Variants in PLPP3 observed in about 807,000 individuals in gnomAD.
PLPP3 encodes PAP2 beta.
A neutral mutation model predicts 29.6 loss-of-function variants in PLPP3; 6 were observed. The ratio of observed to expected loss-of-function variants is 0.20; its 90% confidence interval spans 0.11 to 0.40. The LOEUF is 0.40. Ranked by LOEUF, PLPP3 falls within the 10% of genes least tolerant of loss-of-function variation. PLPP3 has a pLI of 1.00. For synonymous variants in PLPP3, 152 were observed against 159.7 expected, an observed-to-expected ratio of 0.95 and a Z score of 0.36; for missense variants, 308 against 407.7, an observed-to-expected ratio of 0.76 and a Z score of 2.11.
intron 4 of PLPP3, among the ~76,000 whole-genome samples, chr1:56,517,160 G>C (rs1645786689): frequency 6.6e-6 from 1 of 152,216 alleles, no homozygotes. Context: ...AGAGTGAAAA[G>C]AAGGCTTTTG....
rs367918309 is a variant in PLPP3 at position 56,512,776 on chromosome 1, G to A, written c.634-624C>T. On this transcript the variant is annotated intron_variant, in intron 4 of 5. Coordinates refer to ENST00000371250, the MANE Select transcript of PLPP3 (RefSeq NM_003713.5). ...GCCTTAGCACACTGCCACATAGTAG[G>A]AACGTAATAAATGATAGTTTCCTTT... The A allele has an allele frequency of 2.1e-4, 32 of 152,252 alleles. 1 individual carries two copies. Among genetic ancestry groups the A allele is most frequent in the African/African-American group, 7.7e-4 (32 of 41,536 alleles). 9.4% of individuals were successfully genotyped at this position (152,252 alleles called of 1,614,324 possible). A position where few individuals can be genotyped will look rare whatever the true frequency, so the allele number is the denominator to read the frequency against.
intron 1 of PLPP3, among the ~76,000 whole-genome samples, chr1:56,548,060 G>A (rs1646016938): frequency 6.6e-6 from 1 of 152,160 alleles, no homozygotes; most frequent in Non-Finnish European, 1.5e-5. Flanking sequence ...GGCTTGACTG[G>A]TTTCCTCACT....
intron 1 of PLPP3, among the ~76,000 whole-genome samples, chr1:56,567,464 C>T (rs535775535): frequency 2.8e-4 from 38 of 133,482 alleles, no homozygotes; most frequent in African/African-American, 1.1e-3. Context: ...GTGGCGCGAT[C>T]TCGGCTCACT....
At chr1:56,531,799 C>T (rs1194053043) in intron 2 of PLPP3, among the ~76,000 whole-genome samples, 1 of 152,176 alleles carries the variant, frequency 6.6e-6, no homozygotes, top group Non-Finnish European at 1.5e-5. Context: ...CCTCAGTGTC[C>T]TCCCTCATTT....
intron 2 of PLPP3, among the ~76,000 whole-genome samples, chr1:56,529,276 C>T (rs1294950050): frequency 6.6e-6 from 1 of 152,114 alleles, no homozygotes; most frequent in Non-Finnish European, 1.5e-5. Flanking sequence ...CTTCTAATTC[C>T]TGTGCTGTTC....
intron 1 of PLPP3, among the ~76,000 whole-genome samples, chr1:56,565,914 C>T (rs770927971): frequency 1.5e-4 from 23 of 152,186 alleles, no homozygotes; most frequent in Non-Finnish European, 3.1e-4. Context: ...AACTATATTT[C>T]ACATCGTTTA....
chr1:56,560,655 A>G (rs987366400), intron 1 of PLPP3, among the ~76,000 whole-genome samples: 1 of 152,054 alleles, frequency 6.6e-6, no homozygotes, highest in Non-Finnish European at 1.5e-5. Context: ...TTACCTCTTA[A>G]AGCCCCCCCA....
In PLPP3 at chr1:56,496,572, G is replaced by A; in HGVS notation, c.915C>T (p.Asn305=). 1.2e-6 allele frequency: 2 copies of A among 1,614,088 alleles called. No individual in the cohort carries two copies. Among genetic ancestry groups the A allele is most frequent in the Non-Finnish European group, 1.7e-6 (2 of 1,179,958 alleles). ...ILSPVDIIDR[N]NHHNMM is the part of the protein sequence containing the mutation. ...GCACCTACATCATGTTGTGGTGATT[G>A]TTCCTGTCAATAATGTCCACAGGTG... Residue 305 remains asparagine (N), a synonymous_variant, in exon 6 of 6, where the codon AAC becomes AAT. Coordinates refer to ENST00000371250, the MANE Select transcript of PLPP3 (RefSeq NM_003713.5).
At chr1:56,529,599 T>G (rs1645873589) in intron 2 of PLPP3, among the ~76,000 whole-genome samples, 1 of 152,186 alleles carries the variant, frequency 6.6e-6, no homozygotes, top group Admixed American at 6.5e-5. Context: ...ATGTACTGGG[T>G]CCTGTTTCTA....
intron 1 of PLPP3, among the ~76,000 whole-genome samples, chr1:56,562,403 A>C (rs1646136852): frequency 6.6e-6 from 1 of 152,204 alleles, no homozygotes; most frequent in Admixed American, 6.5e-5. Context: ...ATCAACCTAG[A>C]AATAAAATCT....
intron 1 of PLPP3, among the ~76,000 whole-genome samples, chr1:56,554,619 A>G (rs531589028): frequency 3.3e-5 from 5 of 152,098 alleles, no homozygotes; most frequent in African/African-American, 7.2e-5. Flanking sequence ...AGTATACTCA[A>G]TCCATGGAAA....
chr1:56,498,677 A>G (rs1402954712), intron 5 of PLPP3, among the ~76,000 whole-genome samples: 1 of 151,168 alleles, frequency 6.6e-6, no homozygotes, highest in East Asian at 1.9e-4. Flanking sequence ...TCTGTCACCC[A>G]GGCTGGAGTG....
chr1:56,557,024 G>GAAAGAAAGA (rs1646085219), intron 1 of PLPP3, among the ~76,000 whole-genome samples: 1 of 3,864 alleles, frequency 2.6e-4, no homozygotes, highest in African/African-American at 4.9e-4. Context: ...GAGAGAGAGA[G>GAAAGAAAGA]AAAGAGAGAG....
At chr1:56,572,043 GTTTTTTTT>G (rs375576842) in intron 1 of PLPP3, among the ~76,000 whole-genome samples, 2 of 85,064 alleles carry the variant, frequency 2.4e-5, no homozygotes, top group South Asian at 4.9e-4. Context: ...ATCATTTCTG[GTTTTTTTT>G]TTTTTTTTTT....
chr1:56,527,519 T>G (rs57966457), intron 2 of PLPP3, among the ~76,000 whole-genome samples: 1 of 152,052 alleles, frequency 6.6e-6, no homozygotes, highest in Admixed American at 6.6e-5. Flanking sequence ...ATTTCTATTG[T>G]TATTAAAACC....
intron 5 of PLPP3, among the ~76,000 whole-genome samples, chr1:56,499,853 T>C (rs1645655594): frequency 6.6e-6 from 1 of 152,098 alleles, no homozygotes; most frequent in African/African-American, 2.4e-5. Flanking sequence ...CAGAAGATGA[T>C]CTCCACCCAG....
At chr1:56,526,500 G>A (rs1380515621) in intron 2 of PLPP3, among the ~76,000 whole-genome samples, 2 of 152,030 alleles carry the variant, frequency 1.3e-5, no homozygotes, top group African/African-American at 4.8e-5. Flanking sequence ...TTTACCCTAT[G>A]TAACCTCACA....
intron 1 of PLPP3, among the ~76,000 whole-genome samples, chr1:56,566,342 A>G (rs1473474225): frequency 6.6e-6 from 1 of 152,020 alleles, no homozygotes; most frequent in Non-Finnish European, 1.5e-5. Flanking sequence ...CAGACGTCTG[A>G]CCCCACCTCT....
chr1:56,510,408 C>G (rs1002854024), intron 5 of PLPP3, among the ~76,000 whole-genome samples: 1 of 152,254 alleles, frequency 6.6e-6, no homozygotes, highest in Non-Finnish European at 1.5e-5. Context: ...GCCATTAAAA[C>G]AGCCAGTCCA....
Sources: allele counts gnomAD v4.1 joint callset (sites outside exome capture counted in the v4.1 genomes callset), GRCh38; gene constraint gnomAD v4.1.1; transcripts MANE v1.5; gene names NCBI Gene and HGNC (gene_info 2026-07-23, HGNC 2026-07-21).